LINGO2: variants seen among roughly 807,000 people sequenced by gnomAD.
The protein encoded by LINGO2 is leucine-rich repeat and immunoglobulin-like domain-containing nogo receptor-interacting protein 2.
Under a neutral mutation model 30.6 loss-of-function variants are expected in LINGO2, and 14 were observed. That is an observed-to-expected ratio of 0.46 (90% CI 0.30 to 0.72). The LOEUF (loss-of-function observed/expected upper bound fraction) is 0.72. Among genes scored for constraint, LINGO2 ranks in the 30% least tolerant of loss-of-function variants. The pLI is 0.07. For synonymous variants in LINGO2, 317 were observed against 288.5 expected (o/e 1.10, Z -1.00); for missense variants, 729 against 751.7 (o/e 0.97, Z 0.35).
chr9:28,367,950 A>T (rs758525757), intron 3 of LINGO2, among the ~76,000 whole-genome samples: 20 of 151,786 alleles, frequency 1.3e-4, no homozygotes, highest in Non-Finnish European at 2.2e-4. Context: ...ACTCTCCTTA[A>T]GGGTAACTTC....
chr9:28,897,301 A>T, the LINGO2 span, among the ~76,000 whole-genome samples: 2 of 152,160 alleles, frequency 1.3e-5, no homozygotes, highest in Non-Finnish European at 2.9e-5. Flanking sequence ...GGAAAGTTCC[A>T]CATAGGACAT....
At chr9:28,970,242 C>T in the LINGO2 span, among the ~76,000 whole-genome samples, 1 of 152,116 alleles carries the variant, frequency 6.6e-6, no homozygotes, top group Admixed American at 6.5e-5. Context: ...AGGGCCTAGA[C>T]TACTGGAAAC....
At chr9:28,309,451 A>C (rs919328766) in intron 3 of LINGO2, among the ~76,000 whole-genome samples, 1 of 149,786 alleles carries the variant, frequency 6.7e-6, no homozygotes, top group South Asian at 2.1e-4. Flanking sequence ...GGGAGGGGGG[A>C]GGGATAGCAT....
At chr9:28,421,028 A>G (rs2026967) in intron 2 of LINGO2, among the ~76,000 whole-genome samples, 5,581 of 152,140 alleles carry the variant, frequency 0.037, 342 homozygotes, top group African/African-American at 0.12. Flanking sequence ...ATAATAAGCC[A>G]TTTAATATCT....
At chr9:28,072,407 A>G (rs1825506042) in intron 4 of LINGO2, among the ~76,000 whole-genome samples, 1 of 152,210 alleles carries the variant, frequency 6.6e-6, no homozygotes, top group South Asian at 2.1e-4. Context: ...TTTGAGTTTC[A>G]GCAGAAACCA....
intron 1 of LINGO2, among the ~76,000 whole-genome samples, chr9:28,557,040 A>C (rs952408571): frequency 5.3e-5 from 8 of 151,636 alleles, no homozygotes; most frequent in African/African-American, 1.4e-4. Context: ...AAACCATAAA[A>C]ACCCTAGAAG....
chr9:29,151,567 A>G, the LINGO2 span, among the ~76,000 whole-genome samples: 1 of 151,980 alleles, frequency 6.6e-6, no homozygotes, highest in South Asian at 2.1e-4. Context: ...AGAAACATCT[A>G]CCATGCAAAC....
At chr9:29,003,553 A>G in the LINGO2 span, among the ~76,000 whole-genome samples, 1 of 151,992 alleles carries the variant, frequency 6.6e-6, no homozygotes, top group Non-Finnish European at 1.5e-5. Flanking sequence ...ACTGTGAACA[A>G]AGAAGCTGAG....
the LINGO2 span, among the ~76,000 whole-genome samples, chr9:28,978,636 G>T: frequency 7.6e-3 from 1,154 of 152,182 alleles, 5 homozygotes; most frequent in Non-Finnish European, 0.013. Flanking sequence ...AAACTTAGAT[G>T]AAATAATATA....
At chr9:28,887,836 G>A in the LINGO2 span, among the ~76,000 whole-genome samples, 1 of 152,100 alleles carries the variant, frequency 6.6e-6, no homozygotes. Context: ...TTTATGCCAG[G>A]ATAATTAAAA....
At chr9:29,046,101 T>C in the LINGO2 span, among the ~76,000 whole-genome samples, 1 of 152,174 alleles carries the variant, frequency 6.6e-6, no homozygotes, top group East Asian at 1.9e-4. Flanking sequence ...TTTGACTTCC[T>C]CTCTTCCTAT....
the LINGO2 span, among the ~76,000 whole-genome samples, chr9:29,015,601 C>T: frequency 6.6e-6 from 1 of 152,002 alleles, no homozygotes; most frequent in Non-Finnish European, 1.5e-5. Context: ...ATTTGCTGAC[C>T]CCTGGTCTAT....
At chr9:28,012,635 C>T (rs1050382867) in intron 4 of LINGO2, among the ~76,000 whole-genome samples, 3 of 151,962 alleles carry the variant, frequency 2.0e-5, no homozygotes, top group Admixed American at 6.6e-5. Flanking sequence ...TTGGCAACCC[C>T]TCCATACCGC....
intron 4 of LINGO2, among the ~76,000 whole-genome samples, chr9:28,166,355 C>A (rs1828426209): frequency 6.6e-6 from 1 of 152,210 alleles, no homozygotes. Flanking sequence ...CTTACCAGCA[C>A]TCTAAGCCTC....
intron 4 of LINGO2, among the ~76,000 whole-genome samples, chr9:28,252,460 C>G (rs112834165): frequency 3.3e-5 from 5 of 152,030 alleles, no homozygotes; most frequent in Admixed American, 2.6e-4. Flanking sequence ...CTCTTAACCT[C>G]GTGATCTGCC....
the LINGO2 span, among the ~76,000 whole-genome samples, chr9:28,848,411 A>ATATATATACTGTATATAG: frequency 7.6e-6 from 1 of 131,350 alleles, no homozygotes; most frequent in South Asian, 2.3e-4. Context: ...ATATATATAT[A>ATATATATACTGTATATAG]TATATATATA....
chr9:28,841,442 C>A, the LINGO2 span, among the ~76,000 whole-genome samples: 1 of 151,700 alleles, frequency 6.6e-6, no homozygotes, highest in Non-Finnish European at 1.5e-5. Flanking sequence ...ATTCATTCTA[C>A]AAATATATGC....
At chr9:27,994,459 G>A (rs188464846) in intron 5 of LINGO2, among the ~76,000 whole-genome samples, 1 of 152,194 alleles carries the variant, frequency 6.6e-6, no homozygotes, top group African/African-American at 2.4e-5. Flanking sequence ...GAGCAGGAGA[G>A]GGGAGCCCCT....
chr9:28,308,276 G>A (rs577421240), intron 3 of LINGO2, among the ~76,000 whole-genome samples: 6,272 of 125,258 alleles, frequency 0.05, 715 homozygotes, highest in African/African-American at 0.16. Context: ...AAATAATGCC[G>A]CATATCCACA....
Sources: allele counts gnomAD v4.1 joint callset (sites outside exome capture counted in the v4.1 genomes callset), GRCh38; gene constraint gnomAD v4.1.1; transcripts MANE v1.5; gene names NCBI Gene and HGNC (gene_info 2026-07-23, HGNC 2026-07-21).